The following PIK3C2G variants were observed in gnomAD, a reference collection of about 807,000 sequenced individuals.
PIK3C2G encodes the protein phosphatidylinositol 3-kinase C2 domain-containing subunit gamma.
In PIK3C2G, 168 loss-of-function variants were observed where a neutral mutation model predicts 181.1. That is an observed-to-expected ratio of 0.93 (90% CI 0.82 to 1.05). The LOEUF (loss-of-function observed/expected upper bound fraction) is 1.05. Ranked by LOEUF, PIK3C2G falls within the 50% of genes least tolerant of loss-of-function variation. The probability of loss-of-function intolerance (pLI) is 0.00; values close to 1 mark genes in which losing one functional copy is unlikely to be tolerated. For synonymous variants in PIK3C2G, 573 were observed against 592.2 expected (o/e 0.97, Z 0.47); for missense variants, 1,869 against 1,732.8 (o/e 1.08, Z -1.40).
chr12:18,525,339 C>T (rs1943166192), intron 24 of PIK3C2G, among the ~76,000 whole-genome samples: 1 of 151,952 alleles, frequency 6.6e-6, no homozygotes, highest in African/African-American at 2.4e-5. Flanking sequence ...TTGCAGTGAA[C>T]CAAGATTGCA....
At chr12:18,472,846 C>T (rs1010368282) in intron 18 of PIK3C2G, among the ~76,000 whole-genome samples, 1 of 152,018 alleles carries the variant, frequency 6.6e-6, no homozygotes, top group African/African-American at 2.4e-5. Context: ...ATGACAGGCA[C>T]CCGCCACCAC....
intron 1 of PIK3C2G, among the ~76,000 whole-genome samples, chr12:18,280,995 A>G (rs73062574): frequency 0.06 from 9,070 of 151,996 alleles, 400 homozygotes; most frequent in Non-Finnish European, 0.093. Flanking sequence ...AGCTGCGTGA[A>G]TAATTGGGTC....
intron 18 of PIK3C2G, among the ~76,000 whole-genome samples, chr12:18,450,470 T>C (rs1947287291): frequency 6.6e-6 from 1 of 152,204 alleles, no homozygotes; most frequent in African/African-American, 2.4e-5. Context: ...TCCTTGTAGA[T>C]TCTGGATATT....
At chr12:18,282,833 T>A in intron 2 of PIK3C2G, 74 bp downstream of exon 2, 1 of 1,044,064 alleles carries the variant, frequency 9.6e-7, no homozygotes, top group Non-Finnish European at 1.4e-6. Context: ...GTTAATTTGG[T>A]AATGAAGATA....
At chr12:18,694,233 G>A in the PIK3C2G span, 1 of 606,880 alleles carries the variant, frequency 1.6e-6, no homozygotes, top group Non-Finnish European at 3.0e-6. Flanking sequence ...GTCTTTTGGA[G>A]TACGATGTGT....
In PIK3C2G at chr12:18,452,590, A is replaced by C. The variant is rs141805313; in HGVS notation, c.2504+28551A>C. 6.3e-3 allele frequency among the ~76,000 whole-genome samples: 954 copies of C among 151,572 alleles called. 9 individuals carry two copies. Among genetic ancestry groups the C allele is most frequent in the African/African-American group, 0.022 (919 of 41,362 alleles). On this transcript the variant is annotated intron_variant, in intron 18 of 32. Transcript: ENST00000538779. The stretch of plus-strand genomic sequence containing the variant: ...CTTCAGTTCTGATCTAATCTTAGTT[A>C]ATTCTTGTCTTCTGCTAGCTTTTGA...
the PIK3C2G span, chr12:18,693,440 G>A: frequency 6.2e-7 from 1 of 1,604,966 alleles, no homozygotes; most frequent in Non-Finnish European, 8.5e-7. Flanking sequence ...CTCCAAGGGG[G>A]TCATTCTCTG....
Position 18,562,290 on chromosome 12 carries a change from C to T in PIK3C2G, c.3591-413C>T, listed in dbSNP as rs544504614. On this transcript the variant is annotated intron_variant, in intron 26 of 32. Coordinates refer to ENST00000538779, the MANE Select transcript of PIK3C2G (RefSeq NM_001288772.2). Reference sequence around the variant, plus strand: ...GGGACTACAGGCACCCGCCACCACGCCCGGCTAATTTTTTTGTATTTTTAG... The same window carrying T: ...GGGACTACAGGCACCCGCCACCACGTCCGGCTAATTTTTTTGTATTTTTAG... Among the ~76,000 whole-genome samples the T allele has an allele frequency of 1.3e-3, 203 of 152,244 alleles. 1 individual carries two copies. The highest frequency in any genetic ancestry group is 3.7e-3 in the South Asian group (18 of 4,826).
chr12:18,499,209 A>G (rs966842787), intron 22 of PIK3C2G, among the ~76,000 whole-genome samples: 7 of 152,354 alleles, frequency 4.6e-5, no homozygotes, highest in African/African-American at 1.4e-4. Context: ...TCTGTCTACC[A>G]ACAACAACCT....
At chr12:18,562,970 C>G in intron 27 of PIK3C2G, 78 bp downstream of exon 27, 1 of 902,614 alleles carries the variant, frequency 1.1e-6, no homozygotes, top group Non-Finnish European at 1.7e-6. Flanking sequence ...GCTACACAGC[C>G]TTTCTTATAG....
In PIK3C2G at chr12:18,608,853, G is replaced by A. The variant is rs533415372; in HGVS notation, c.4088-682G>A. Among the ~76,000 whole-genome samples the A allele has an allele frequency of 7.2e-5, 11 of 152,144 alleles. No individual in the cohort carries two copies. The East Asian group carries it at 1.2e-3, about 16-fold the overall frequency. ...AAAAAATAATCTTATGAAAGTTGTC[G>A]TCTGAAACTTACATTGGTAATGGTA... On this transcript the variant is annotated intron_variant, in intron 30 of 32. Coordinates refer to ENST00000538779, the MANE Select transcript of PIK3C2G (RefSeq NM_001288772.2).
intron 15 of PIK3C2G, among the ~76,000 whole-genome samples, chr12:18,397,811 G>A (rs548668749): frequency 1.2e-3 from 183 of 151,990 alleles, no homozygotes; most frequent in African/African-American, 4.3e-3. Context: ...ATAAAAACTT[G>A]TGCACAAATG....
At chr12:18,481,911 G>C (rs975882520) in intron 18 of PIK3C2G, among the ~76,000 whole-genome samples, 12 of 152,194 alleles carry the variant, frequency 7.9e-5, no homozygotes, top group African/African-American at 2.6e-4. Flanking sequence ...ATTTCTTTCT[G>C]ACTCTTAGAT....
At chr12:18,308,501 T>TAAAA (rs58763741) in intron 5 of PIK3C2G, among the ~76,000 whole-genome samples, 1 of 148,736 alleles carries the variant, frequency 6.7e-6, no homozygotes, top group African/African-American at 2.5e-5. Context: ...TAAAATATAG[T>TAAAA]AAAAAAAAAA....
intron 29 of PIK3C2G, among the ~76,000 whole-genome samples, chr12:18,584,080 G>T (rs1946646220): frequency 6.6e-6 from 1 of 151,410 alleles, no homozygotes; most frequent in African/African-American, 2.4e-5. Flanking sequence ...CCAGGCTGGA[G>T]TTCAGTGGCG....
intron 31 of PIK3C2G, among the ~76,000 whole-genome samples, chr12:18,637,176 C>T (rs188903250): frequency 6.1e-4 from 93 of 152,234 alleles, no homozygotes; most frequent in African/African-American, 2.1e-3. Flanking sequence ...TATCCTTTCC[C>T]CTAGTGCACA....
intron 18 of PIK3C2G, among the ~76,000 whole-genome samples, chr12:18,432,202 C>G (rs1340155629): frequency 1.3e-5 from 2 of 152,110 alleles, no homozygotes; most frequent in Non-Finnish European, 2.9e-5. Flanking sequence ...GAATCTTATA[C>G]AAACTTCTAC....
chr12:18,566,823 C>G lies in PIK3C2G; in HGVS notation c.3903-126C>G, dbSNP rs148318253. 1.3e-3 allele frequency: 854 copies of G among 665,064 alleles called. 6 individuals are homozygous for G. In the African/African-American group the frequency reaches 0.014, roughly 11 times the overall value. 41.2% of individuals were successfully genotyped at this position (665,064 alleles called of 1,614,324 possible). On this transcript the variant is annotated intron_variant, in intron 28 of 32. Coordinates refer to ENST00000538779, the MANE Select transcript of PIK3C2G (RefSeq NM_001288772.2). Reference sequence around the variant, plus strand: ...AAATTCTGAGGATTAATCACGTAGACTATGACTTTTTCAAATGTTTTCATT... The same window carrying G: ...AAATTCTGAGGATTAATCACGTAGAGTATGACTTTTTCAAATGTTTTCATT...
In PIK3C2G at chr12:18,325,052, T is replaced by C. The variant is rs781692740; in HGVS notation, c.1226T>C (p.Leu409Pro). Residue 409 changes from leucine to proline, a missense_variant, in exon 8 of 33, where the codon CTC becomes CCC. Physicochemically the swap from Leu to Pro is moderately conservative, Grantham distance 98. Transcript: ENST00000538779. ...TTTTCCAGACAATGTCTCTTAACAC[T>C]CATCAGAAAATATGACTTCCACCTG... is the stretch of plus-strand genomic sequence containing the variant. ...WKVSRQCLLT[L>P]IRKYDFHLKY... 7 of 1,570,784 alleles carry C rather than the reference T, an allele frequency of 4.5e-6. No homozygotes were observed. The highest frequency in any genetic ancestry group is 6.1e-6 in the Non-Finnish European group (7 of 1,145,062).
Sources: allele counts gnomAD v4.1 joint callset (sites outside exome capture counted in the v4.1 genomes callset), GRCh38; gene constraint gnomAD v4.1.1; transcripts MANE v1.5; gene names NCBI Gene and HGNC (gene_info 2026-07-23, HGNC 2026-07-21).